The following NKAIN3 variants were observed in gnomAD, a reference collection of about 807,000 sequenced individuals.
NKAIN3 encodes the protein sodium/potassium transporting ATPase interacting 3, also known as sodium/potassium-transporting ATPase subunit beta-1-interacting protein 3.
Under a neutral mutation model 30.2 loss-of-function variants are expected in NKAIN3, and 25 were observed. The ratio of observed to expected loss-of-function variants is 0.83; its 90% CI spans 0.60 to 1.16. The LOEUF is 1.16. NKAIN3 is among the 50% of genes most tolerant of loss of function. The pLI, the probability that NKAIN3 is intolerant of heterozygous loss-of-function variation, is 0.00. For synonymous variants in NKAIN3, 91 were observed against 89.6 expected (o/e 1.02, Z -0.09); for missense variants, 225 against 254.1 (o/e 0.89, Z 0.78).
intron 3 of NKAIN3, among the ~76,000 whole-genome samples, chr8:62,692,025 T>A (rs1428419334): frequency 6.6e-6 from 1 of 152,218 alleles, no homozygotes; most frequent in African/African-American, 2.4e-5. Context: ...AGCTGGCCTA[T>A]AATGATCTTG....
intron 4 of NKAIN3, among the ~76,000 whole-genome samples, chr8:62,808,386 C>T (rs963899147): frequency 6.6e-6 from 1 of 152,148 alleles, no homozygotes; most frequent in Non-Finnish European, 1.5e-5. Flanking sequence ...CTATTTTCTT[C>T]AGTGCATCAT....
At chr8:62,847,963 A>G (rs1402564302) in intron 4 of NKAIN3, among the ~76,000 whole-genome samples, 6 of 152,112 alleles carry the variant, frequency 3.9e-5, no homozygotes, top group Non-Finnish European at 8.8e-5. Context: ...TGTTTTTGTC[A>G]GGTTTGTCAA....
At chr8:62,301,562 C>T (rs1814051345) in intron 1 of NKAIN3, among the ~76,000 whole-genome samples, 1 of 152,068 alleles carries the variant, frequency 6.6e-6, no homozygotes, top group South Asian at 2.1e-4. Context: ...CAGCCCATTA[C>T]ATATTCAGTT....
chr8:62,472,818 G>A (rs149932251), intron 1 of NKAIN3, among the ~76,000 whole-genome samples: 27 of 152,228 alleles, frequency 1.8e-4, no homozygotes, highest in Non-Finnish European at 3.4e-4. Context: ...AAAGCTTAGC[G>A]GTCTGACCAC....
intron 1 of NKAIN3, among the ~76,000 whole-genome samples, chr8:62,412,836 C>A (rs1284735310): frequency 1.4e-5 from 2 of 146,380 alleles, no homozygotes; most frequent in African/African-American, 5.1e-5. Context: ...CGCTTGAACC[C>A]AGGAGGTGAA....
intron 1 of NKAIN3, among the ~76,000 whole-genome samples, chr8:62,428,527 T>A (rs1804889553): frequency 6.6e-6 from 1 of 152,004 alleles, no homozygotes; most frequent in African/African-American, 2.4e-5. Context: ...TTTGACTTTT[T>A]GATAATAGTC....
At chr8:62,664,048 C>T (rs547374187) in intron 3 of NKAIN3, among the ~76,000 whole-genome samples, 2 of 152,122 alleles carry the variant, frequency 1.3e-5, no homozygotes, top group East Asian at 3.9e-4. Context: ...ACCCTGTTTC[C>T]TCTGTTACAA....
chr8:62,345,586 TAC>T (rs1179823627), intron 1 of NKAIN3, among the ~76,000 whole-genome samples: 4 of 147,306 alleles, frequency 2.7e-5, no homozygotes, highest in African/African-American at 5.0e-5. Context: ...TATATGTATA[TAC>T]ACACATATAT....
At chr8:62,942,215 CATATATAT>C (rs1206628927) in intron 5 of NKAIN3, among the ~76,000 whole-genome samples, 1,034 of 38,226 alleles carry the variant, frequency 0.027, 20 homozygotes, top group African/African-American at 0.096. Flanking sequence ...TATATATACA[CATATATAT>C]ACATATATAT....
intron 4 of NKAIN3, among the ~76,000 whole-genome samples, chr8:62,880,830 A>G (rs1051386629): frequency 6.6e-5 from 10 of 152,220 alleles, no homozygotes; most frequent in Non-Finnish European, 1.3e-4. Flanking sequence ...GGCCAAGCAT[A>G]CACGTGCTGA....
chr8:62,342,012 A>T (rs1163969831), intron 1 of NKAIN3, among the ~76,000 whole-genome samples: 2 of 152,086 alleles, frequency 1.3e-5, no homozygotes, highest in Non-Finnish European at 2.9e-5. Flanking sequence ...ATATTAAGTG[A>T]CAAAGACAAA....
chr8:62,878,259 AC>A (rs1340358834), intron 4 of NKAIN3, among the ~76,000 whole-genome samples: 3 of 152,094 alleles, frequency 2.0e-5, no homozygotes, highest in African/African-American at 7.2e-5. Context: ...GAAGAATCTG[AC>A]CTTTTACAAA....
intron 3 of NKAIN3, among the ~76,000 whole-genome samples, chr8:62,701,982 G>C (rs944397050): frequency 2.6e-5 from 4 of 152,152 alleles, no homozygotes; most frequent in African/African-American, 7.2e-5. Flanking sequence ...AATTGCGCTA[G>C]GGCTCCCCAG....
intron 3 of NKAIN3, among the ~76,000 whole-genome samples, chr8:62,714,474 TA>T (rs1370554899): frequency 6.6e-6 from 1 of 152,120 alleles, no homozygotes; most frequent in Non-Finnish European, 1.5e-5. Context: ...GAGCACTTTC[TA>T]AAAGCCAGAA....
chr8:62,953,530 G>GA (rs375766946), intron 5 of NKAIN3, among the ~76,000 whole-genome samples: 12 of 151,456 alleles, frequency 7.9e-5, no homozygotes, highest in African/African-American at 1.5e-4. Flanking sequence ...TATTCTTAAG[G>GA]AAAAAAAAGG....
intron 1 of NKAIN3, among the ~76,000 whole-genome samples, chr8:62,574,543 A>G (rs1244264514): frequency 6.6e-6 from 1 of 152,162 alleles, no homozygotes; most frequent in Non-Finnish European, 1.5e-5. Context: ...AGCTATAGTA[A>G]CTGAAACAGC....
intron 1 of NKAIN3, among the ~76,000 whole-genome samples, chr8:62,515,038 C>T (rs72651542): frequency 0.021 from 3,176 of 152,208 alleles, 43 homozygotes; most frequent in Middle Eastern, 0.034. Context: ...CCACCACTCC[C>T]TTGTCCCTGT....
At position 62,846,637 on chromosome 8, in the gene NKAIN3, AT is replaced by A. The variant is rs139125182; in HGVS notation, c.472-71815del. Among the ~76,000 whole-genome samples the A allele has an allele frequency of 9.3e-3, 1,413 of 152,242 alleles. 14 individuals are homozygous for A. The highest frequency in any genetic ancestry group is 0.016 in the Non-Finnish European group (1,093 of 68,010). On this transcript the variant is annotated intron_variant, in intron 4 of 6. Transcript: ENST00000623646. ...AGGATAATGACCTCCAGCTCCATCC[AT>A]GTTCATGCAAAGAACATGATCTCAT...
intron 1 of NKAIN3, among the ~76,000 whole-genome samples, chr8:62,479,612 G>C (rs1806643883): frequency 3.3e-5 from 5 of 152,184 alleles, no homozygotes; most frequent in Admixed American, 2.6e-4. Context: ...TGAGGGCAGA[G>C]GGGTGTCATA....
Sources: gnomAD v4.1 joint callset for allele counts (sites outside exome capture counted in the v4.1 genomes callset) on GRCh38, gnomAD v4.1.1 for gene constraint, MANE v1.5 for transcripts, NCBI Gene and HGNC (gene_info 2026-07-23, HGNC 2026-07-21) for gene names.